DNAH11: variants seen among roughly 807,000 people sequenced by gnomAD.
The protein encoded by DNAH11 is dynein axonemal heavy chain 11, also known as axonemal beta dynein heavy chain 11.
DNAH11 carries 442 observed loss-of-function variants against 526.0 expected under a neutral mutation model. The observed-to-expected ratio is 0.84, with a 90% CI of 0.78 to 0.91. The LOEUF is 0.91. Ranked by LOEUF, DNAH11 falls within the 40% of genes least tolerant of loss-of-function variation. DNAH11 has a pLI of 0.00. For synonymous variants in DNAH11, 2,461 were observed against 1,935.9 expected (o/e 1.27, Z -7.12); for missense variants, 6,989 against 5,448.7 (o/e 1.28, Z -8.90).
At chr7:21,556,680 T>A (rs1325686381) in intron 2 of DNAH11, among the ~76,000 whole-genome samples, 4 of 152,120 alleles carry the variant, frequency 2.6e-5, no homozygotes, top group Non-Finnish European at 5.9e-5. Context: ...CCTTCCACCC[T>A]CCACCCTCAA....
At position 21,726,637 on chromosome 7, in the gene DNAH11, A is replaced by G. The variant is rs571822190; in HGVS notation, c.7440+653A>G. Among the ~76,000 whole-genome samples the G allele has an allele frequency of 2.3e-4, 35 of 151,666 alleles. No homozygotes were observed. The South Asian group carries it at 3.8e-3, about 16-fold the overall frequency. On this transcript the variant is annotated intron_variant, in intron 45 of 81. Coordinates refer to ENST00000409508, the MANE Select transcript of DNAH11 (RefSeq NM_001277115.2). ...AGCACTTTGGGAGGCCGAGGTGGGC[A>G]GATCACGAGGTCAGGAGATCGAGGC... is the stretch of plus-strand genomic sequence containing the variant.
chr7:21,868,059 A>C (rs974333693), intron 72 of DNAH11, 52 bp downstream of exon 72: 1,976 of 1,207,416 alleles, frequency 1.6e-3, no homozygotes, highest in Admixed American at 8.5e-3. Context: ...CCTCCCTTTC[A>C]CCCCCACCCC....
In DNAH11 at chr7:21,884,518, A is replaced by C; in HGVS notation, c.12507+108A>C. ...TGGGCAATTCTTAATGTTATTGAGG[A>C]TGCTTGGCCTTTTGGGAAATTTCTT... On this transcript the variant is annotated intron_variant, in intron 76 of 81. Coordinates refer to ENST00000409508, the MANE Select transcript of DNAH11 (RefSeq NM_001277115.2). The C allele has an allele frequency of 2.5e-6, 3 of 1,206,714 alleles. No homozygotes were observed. The South Asian group carries it at 5.5e-5, about 22-fold the overall frequency. 74.8% of individuals were successfully genotyped at this position (1,206,714 alleles called of 1,614,324 possible). A position where few individuals can be genotyped will look rare whatever the true frequency, so the allele number is the denominator to read the frequency against.
chr7:21,642,935 G>C (rs1259264381), intron 28 of DNAH11, among the ~76,000 whole-genome samples: 5 of 152,178 alleles, frequency 3.3e-5, no homozygotes, highest in Non-Finnish European at 7.3e-5. Flanking sequence ...TTAGGAGTAA[G>C]TTTGGTTAAG....
At chr7:21,576,081 C>A (rs569352221) in intron 8 of DNAH11, among the ~76,000 whole-genome samples, 21 of 152,270 alleles carry the variant, frequency 1.4e-4, no homozygotes, top group African/African-American at 4.8e-4. Flanking sequence ...GCATGGCTCA[C>A]CTGTCACCGA....
chr7:21,743,343 A>G (rs1481850617), intron 49 of DNAH11, among the ~76,000 whole-genome samples: 5 of 152,240 alleles, frequency 3.3e-5, no homozygotes, highest in Non-Finnish European at 7.3e-5. Context: ...TTGGTTTAAT[A>G]TTGAAAATTA....
At chr7:21,736,831 G>T (rs778902465) in intron 46 of DNAH11, among the ~76,000 whole-genome samples, 1 of 152,104 alleles carries the variant, frequency 6.6e-6, no homozygotes, top group Non-Finnish European at 1.5e-5. Context: ...CCCCCAAAAA[G>T]AGCCAATTAT....
chr7:21,859,345 C>G (rs1419763399), intron 68 of DNAH11, among the ~76,000 whole-genome samples: 1 of 152,162 alleles, frequency 6.6e-6, no homozygotes, highest in Non-Finnish European at 1.5e-5. Flanking sequence ...AACTCCTGAA[C>G]TCAGGTGATC....
intron 5 of DNAH11, chr7:21,561,578 CCAT>C (rs1306291752): frequency 6.4e-6 from 1 of 155,586 alleles, no homozygotes; most frequent in Non-Finnish European, 1.4e-5. Flanking sequence ...ACACTCAAAG[CCAT>C]CATTGAAGTT....
intron 56 of DNAH11, among the ~76,000 whole-genome samples, chr7:21,775,373 T>C (rs1002518480): frequency 6.6e-6 from 1 of 152,022 alleles, no homozygotes; most frequent in Non-Finnish European, 1.5e-5. Flanking sequence ...TCCCAGCACT[T>C]TGGGAGGCTG....
intron 44 of DNAH11, among the ~76,000 whole-genome samples, chr7:21,725,609 G>C (rs565650362): frequency 6.6e-6 from 1 of 152,266 alleles, no homozygotes; most frequent in African/African-American, 2.4e-5. Flanking sequence ...GTTGTCATTA[G>C]ATTGAATAAC....
intron 8 of DNAH11, among the ~76,000 whole-genome samples, chr7:21,576,229 C>T (rs973561749): frequency 4.6e-5 from 7 of 152,308 alleles, no homozygotes; most frequent in African/African-American, 9.6e-5. Flanking sequence ...AGAAGGACAG[C>T]GATTCATCTT....
intron 44 of DNAH11, among the ~76,000 whole-genome samples, chr7:21,725,166 G>T (rs1386051110): frequency 2.6e-5 from 4 of 152,214 alleles, no homozygotes; most frequent in Admixed American, 2.6e-4. Flanking sequence ...GAGGCTGAAA[G>T]TTGATCCCTA....
intron 28 of DNAH11, among the ~76,000 whole-genome samples, chr7:21,645,846 TACA>T (rs1166080932): frequency 7.9e-5 from 12 of 152,102 alleles, no homozygotes; most frequent in African/African-American, 2.9e-4. Context: ...ACAAACGATA[TACA>T]ACATGTGAGG....
At position 21,598,702 on chromosome 7, in the gene DNAH11, C is replaced by G. The variant is rs561527331; in HGVS notation, c.2668-1085C>G. ...TATCACCCAGGTATTATGCCTAGTA[C>G]CCACTGGTTATTTTTCCTGATCCTC... On this transcript the variant is annotated intron_variant, in intron 14 of 81. Transcript: ENST00000409508. Among the ~76,000 whole-genome samples the G allele has an allele frequency of 2.4e-4, 37 of 152,248 alleles. No individual in the cohort carries two copies. The South Asian group carries it at 7.7e-3, about 32-fold the overall frequency.
intron 61 of DNAH11, among the ~76,000 whole-genome samples, chr7:21,796,418 G>C (rs1788716840): frequency 2.0e-5 from 3 of 152,188 alleles, no homozygotes; most frequent in South Asian, 2.1e-4. Flanking sequence ...CAAAGGGGAA[G>C]AGACTGGAAG....
In DNAH11 at chr7:21,564,270, A is replaced by C; in HGVS notation, c.1067A>C (p.Gln356Pro). The change falls in exon 6 of 82, where the codon CAG becomes CCG. Residue 356 changes from glutamine to proline, a missense_variant. Physicochemically the swap from Gln to Pro is moderately conservative, Grantham distance 76 (BLOSUM62 -1). Transcript: ENST00000409508. ...TGTCTCCAGGAGACGGAATTCCCAC[A>C]GACACGCATATTAATCGCTCCATTA... ...IQCLQETEFP[Q>P]TRILIAPLFH... The C allele has an allele frequency of 6.2e-7, 1 of 1,613,744 alleles. No individual in the cohort carries two copies. The highest frequency in any genetic ancestry group is 8.5e-7 in the Non-Finnish European group (1 of 1,179,770).
intron 40 of DNAH11, 50 bp from the exon 41 acceptor site, chr7:21,710,503 A>G: frequency 1.4e-6 from 2 of 1,481,340 alleles, no homozygotes; most frequent in Non-Finnish European, 1.8e-6. Context: ...AAGATGAATA[A>G]TATCAATCTA....
intron 81 of DNAH11, 23 bp from the exon 82 acceptor site, chr7:21,900,984 C>G: frequency 6.4e-7 from 1 of 1,551,742 alleles, no homozygotes; most frequent in Non-Finnish European, 8.7e-7. Flanking sequence ...CACACAATTG[C>G]AACCGCTGTG....
Sources: gnomAD v4.1 joint callset for allele counts (sites outside exome capture counted in the v4.1 genomes callset) on GRCh38, gnomAD v4.1.1 for gene constraint, MANE v1.5 for transcripts, NCBI Gene and HGNC (gene_info 2026-07-23, HGNC 2026-07-21) for gene names.